Variants in CSMD1 observed in about 807,000 individuals in gnomAD.
CSMD1 encodes the protein CUB and Sushi multiple domains 1.
Under a neutral mutation model 417.5 loss-of-function variants are expected in CSMD1, and 213 were observed. That is an observed-to-expected ratio of 0.51 (90% CI 0.46 to 0.57). The LOEUF is 0.57. CSMD1 is among the 20% of genes least tolerant of loss of function. CSMD1 has a pLI of 0.00. For missense variants in CSMD1, 6,923 were observed against 4,529.7 expected, an observed-to-expected ratio of 1.53 and a Z score of -15.17; for synonymous variants, 2,862 against 1,736.8, an observed-to-expected ratio of 1.65 and a Z score of -16.11.
intron 33 of CSMD1, among the ~76,000 whole-genome samples, chr8:3,191,849 G>A (rs994282953): frequency 3.3e-5 from 5 of 152,140 alleles, no homozygotes; most frequent in African/African-American, 9.7e-5. Flanking sequence ...CAGTATTTAG[G>A]TACTGTCTCT....
intron 3 of CSMD1, among the ~76,000 whole-genome samples, chr8:4,364,036 C>G (rs888562132): frequency 6.6e-6 from 1 of 152,120 alleles, no homozygotes; most frequent in Admixed American, 6.5e-5. Flanking sequence ...ATTTCAATAA[C>G]TAAGACTATA....
chr8:3,563,230 A>C (rs1799548258), intron 10 of CSMD1, among the ~76,000 whole-genome samples: 1 of 151,866 alleles, frequency 6.6e-6, no homozygotes, highest in South Asian at 2.1e-4. Flanking sequence ...TTCTAAAGTG[A>C]CATCTCCGCA....
At chr8:4,000,482 G>A (rs1244948869) in intron 4 of CSMD1, among the ~76,000 whole-genome samples, 1 of 152,220 alleles carries the variant, frequency 6.6e-6, no homozygotes, top group Non-Finnish European at 1.5e-5. Flanking sequence ...CTACTACTGA[G>A]ATTCAGATAT....
Position 2,936,867 on chromosome 8 carries a change from T to C in CSMD1, c.*1718A>G, listed in dbSNP as rs1801521562. ...CAGTACACCAACAGATAAATCAGTC[T>C]TAAAGCTAGGTGTCAATGTGTTCAC... On this transcript the variant is annotated 3_prime_UTR_variant, in exon 70 of 70. Transcript: ENST00000635120. 6.6e-6 allele frequency: 1 copy of C among 152,194 alleles called. No homozygotes were observed. Among genetic ancestry groups the C allele is most frequent in the Non-Finnish European group, 1.5e-5 (1 of 68,040 alleles). 9.4% of individuals were successfully genotyped at this position (152,194 alleles called of 1,614,324 possible).
At chr8:3,519,318 C>T (rs367544065) in intron 10 of CSMD1, among the ~76,000 whole-genome samples, 5 of 152,166 alleles carry the variant, frequency 3.3e-5, no homozygotes, top group Admixed American at 2.6e-4. Context: ...CTACTGTTAG[C>T]TCCAACCCCA....
intron 33 of CSMD1, among the ~76,000 whole-genome samples, chr8:3,196,249 A>G (rs1327941663): frequency 6.6e-6 from 1 of 152,194 alleles, no homozygotes; most frequent in African/African-American, 2.4e-5. Context: ...AAAGGGTCTA[A>G]AAAGGAGAGA....
At chr8:4,864,578 T>G (rs1049815348) in intron 1 of CSMD1, among the ~76,000 whole-genome samples, 1 of 151,748 alleles carries the variant, frequency 6.6e-6, no homozygotes, top group African/African-American at 2.4e-5. Flanking sequence ...GAGTTCATAA[T>G]GATCTTTATT....
At chr8:4,858,719 G>C (rs1004307652) in intron 1 of CSMD1, among the ~76,000 whole-genome samples, 2 of 147,856 alleles carry the variant, frequency 1.4e-5, no homozygotes, top group Non-Finnish European at 3.0e-5. Context: ...GGATGTGAAG[G>C]ACCTCTTCAA....
At chr8:4,262,020 T>A (rs546964495) in intron 3 of CSMD1, among the ~76,000 whole-genome samples, 178 of 152,308 alleles carry the variant, frequency 1.2e-3, no homozygotes, top group Non-Finnish European at 1.4e-3. Flanking sequence ...TGCTTAATCT[T>A]TAGTACTCCT....
intron 12 of CSMD1, among the ~76,000 whole-genome samples, chr8:3,427,748 C>A (rs1344610018): frequency 3.3e-5 from 5 of 152,042 alleles, no homozygotes; most frequent in Non-Finnish European, 5.9e-5. Context: ...TTTAATCAGG[C>A]TAATAATAAC....
chr8:4,518,409 A>AT (rs1475309418), intron 2 of CSMD1, among the ~76,000 whole-genome samples: 4 of 152,262 alleles, frequency 2.6e-5, no homozygotes, highest in East Asian at 3.9e-4. Context: ...TTGAACACTA[A>AT]TTTTTTGACT....
chr8:4,080,540 C>T (rs1311638533), intron 3 of CSMD1, among the ~76,000 whole-genome samples: 5 of 152,166 alleles, frequency 3.3e-5, no homozygotes, highest in African/African-American at 1.2e-4. Flanking sequence ...TTGTCCAACA[C>T]ATAGGTTTCT....
At chr8:4,461,738 C>CTTTT (rs1491126522) in intron 2 of CSMD1, among the ~76,000 whole-genome samples, 67 of 83,902 alleles carry the variant, frequency 8.0e-4, no homozygotes, top group African/African-American at 2.6e-3. Flanking sequence ...TATTTATTTA[C>CTTTT]TTATTTTTTT....
intron 2 of CSMD1, among the ~76,000 whole-genome samples, chr8:4,546,308 G>A (rs1431841650): frequency 6.6e-6 from 1 of 152,116 alleles, no homozygotes; most frequent in Non-Finnish European, 1.5e-5. Flanking sequence ...CATTTATGAT[G>A]GTAAATTTTC....
chr8:3,496,493 G>A (rs150927016), intron 10 of CSMD1, among the ~76,000 whole-genome samples: 26 of 152,272 alleles, frequency 1.7e-4, no homozygotes, highest in African/African-American at 6.0e-4. Flanking sequence ...TGATATAGGT[G>A]TTTAATGCTA....
At chr8:4,923,103 T>C (rs1053029869) in intron 1 of CSMD1, among the ~76,000 whole-genome samples, 5 of 152,216 alleles carry the variant, frequency 3.3e-5, no homozygotes, top group Admixed American at 2.0e-4. Context: ...AATAAAGGGA[T>C]ATCAATTATA....
chr8:3,176,739 G>A (rs1278982340), intron 37 of CSMD1, among the ~76,000 whole-genome samples: 1 of 151,832 alleles, frequency 6.6e-6, no homozygotes, highest in East Asian at 1.9e-4. Flanking sequence ...CAGGTACCCT[G>A]GTGACCTCAT....
intron 11 of CSMD1, among the ~76,000 whole-genome samples, chr8:3,477,618 C>G (rs1417372953): frequency 2.0e-5 from 3 of 152,134 alleles, no homozygotes; most frequent in African/African-American, 4.8e-5. Context: ...ATAAATATCT[C>G]TGGTACAAAT....
At chr8:4,985,390 T>G (rs990113707) in intron 1 of CSMD1, among the ~76,000 whole-genome samples, 3 of 151,466 alleles carry the variant, frequency 2.0e-5, no homozygotes, top group Admixed American at 2.0e-4. Context: ...TAAAAAAAAA[T>G]GTGGTGTAGG....
Sources: allele counts gnomAD v4.1 joint callset (sites outside exome capture counted in the v4.1 genomes callset), GRCh38; gene constraint gnomAD v4.1.1; transcripts MANE v1.5; gene names NCBI Gene and HGNC (gene_info 2026-07-23, HGNC 2026-07-21).